Variants in CNBD1 observed in about 807,000 individuals in gnomAD.
The protein encoded by CNBD1 is cyclic nucleotide-binding domain-containing protein 1.
CNBD1 carries 71 observed loss-of-function variants against 54.4 expected under a neutral mutation model. The observed-to-expected ratio is 1.30, with a 90% CI of 1.08 to 1.59. The LOEUF (loss-of-function observed/expected upper bound fraction) is 1.59. Ranked by LOEUF, CNBD1 falls within the 40% of genes most tolerant of loss-of-function variation. The pLI is 0.00. For synonymous variants in CNBD1, 182 were observed against 170.7 expected (o/e 1.07, Z -0.51); for missense variants, 659 against 518.0 (o/e 1.27, Z -2.64).
downstream of CNBD1, among the ~76,000 whole-genome samples, chr8:87,383,064 T>C (rs558883998): frequency 2.6e-5 from 4 of 152,062 alleles, no homozygotes; most frequent in African/African-American, 9.6e-5. Flanking sequence ...ATAAAGCATA[T>C]GTAAAAGGCA....
intron 2 of CNBD1, among the ~76,000 whole-genome samples, chr8:86,903,523 G>T (rs1039264955): frequency 6.6e-6 from 1 of 152,040 alleles, no homozygotes; most frequent in African/African-American, 2.4e-5. Context: ...TTAGAAGAGT[G>T]CCTGGCACAT....
At chr8:87,383,338 T>C (rs768331665), downstream of CNBD1, among the ~76,000 whole-genome samples, 8 of 152,110 alleles carry the variant, frequency 5.3e-5, no homozygotes, top group South Asian at 2.1e-4. Context: ...GCCATGCCCA[T>C]TTGATAGTCC....
Position 87,286,545 on chromosome 8 carries a change from A to G in CNBD1, c.916A>G (p.Ile306Val), listed in dbSNP as rs1268176693. The part of the protein sequence containing the change: ...KGYAKIKEEK[I>V]KLENMQKLKL... ...TAATGACATTCTGTTTTAGGAAAAA[A>G]TAAAACTTGAAAATATGCAAAAGTT... Residue 306 changes from isoleucine (I) to valine (V), a missense_variant, in exon 8 of 11, where the codon ATA becomes GTA. Ile to Val is a conservative substitution (Grantham distance 29). Transcript: ENST00000518476. 2 of 1,425,414 alleles carry G rather than the reference A, an allele frequency of 1.4e-6. No individual in the cohort carries two copies. The highest frequency in any genetic ancestry group is 2.1e-5 in the Admixed American group (1 of 47,278). 88.3% of individuals were successfully genotyped at this position (1,425,414 alleles called of 1,614,324 possible).
chr8:87,252,123 CT>C (rs1807929331), intron 6 of CNBD1, among the ~76,000 whole-genome samples: 1 of 152,040 alleles, frequency 6.6e-6, no homozygotes, highest in Admixed American at 6.6e-5. Context: ...TTTTTCCATT[CT>C]GTTATAATCA....
chr8:87,362,569 T>A (rs1357779766), intron 10 of CNBD1, among the ~76,000 whole-genome samples: 1 of 152,032 alleles, frequency 6.6e-6, no homozygotes, highest in East Asian at 1.9e-4. Flanking sequence ...TATTTACATT[T>A]GTGCCAAGCC....
intron 4 of CNBD1, among the ~76,000 whole-genome samples, chr8:87,118,314 C>CAAAAAA (rs34800282): frequency 1.8e-5 from 2 of 109,174 alleles, no homozygotes; most frequent in Non-Finnish European, 1.8e-5. Flanking sequence ...GACTCTGTCT[C>CAAAAAA]AAAAAAAAAA....
At chr8:86,924,755 A>G (rs1809330710) in intron 3 of CNBD1, among the ~76,000 whole-genome samples, 1 of 152,226 alleles carries the variant, frequency 6.6e-6, no homozygotes, top group Non-Finnish European at 1.5e-5. Flanking sequence ...TCTTAAGATT[A>G]TCCCAACTCT....
At chr8:87,021,742 A>G (rs2130577878) in intron 4 of CNBD1, among the ~76,000 whole-genome samples, 1 of 152,290 alleles carries the variant, frequency 6.6e-6, no homozygotes, top group Admixed American at 6.5e-5. Context: ...ATCCTGCCCA[A>G]AATGTCAGTT....
At chr8:87,216,426 A>G (rs1315289244) in intron 5 of CNBD1, among the ~76,000 whole-genome samples, 3 of 152,198 alleles carry the variant, frequency 2.0e-5, no homozygotes, top group Admixed American at 6.5e-5. Flanking sequence ...AATATAATTT[A>G]CCTGTGTTTT....
At chr8:87,348,773 A>G (rs1810223918) in intron 8 of CNBD1, among the ~76,000 whole-genome samples, 2 of 152,186 alleles carry the variant, frequency 1.3e-5, no homozygotes, top group South Asian at 4.1e-4. Context: ...GTAGGGAATT[A>G]TTCTTCTTAT....
chr8:87,403,129 TAA>T (rs11302548), intron 2 of CNBD1, among the ~76,000 whole-genome samples: 29 of 151,196 alleles, frequency 1.9e-4, no homozygotes, highest in South Asian at 1.7e-3. Flanking sequence ...ACATAGAAAA[TAA>T]AAAAAAAATT....
At chr8:87,303,601 A>C (rs200274593) in intron 8 of CNBD1, among the ~76,000 whole-genome samples, 5 of 151,958 alleles carry the variant, frequency 3.3e-5, no homozygotes, top group Admixed American at 6.6e-5. Context: ...TCTAAAACAC[A>C]AAAAGCAATG....
At chr8:87,303,108 A>T (rs915345568) in intron 8 of CNBD1, among the ~76,000 whole-genome samples, 5 of 152,006 alleles carry the variant, frequency 3.3e-5, no homozygotes, top group Non-Finnish European at 7.4e-5. Context: ...GCTACCAATG[A>T]TTTTCTTCAC....
intron 2 of CNBD1, among the ~76,000 whole-genome samples, chr8:87,424,250 A>G (rs192312565): frequency 1.1e-4 from 16 of 151,868 alleles, no homozygotes; most frequent in Admixed American, 5.2e-4. Flanking sequence ...TAATTTTTTG[A>G]AGGGTTTTTT....
intron 4 of CNBD1, among the ~76,000 whole-genome samples, chr8:87,031,384 A>G (rs1055485044): frequency 6.6e-6 from 1 of 152,154 alleles, no homozygotes; most frequent in Non-Finnish European, 1.5e-5. Flanking sequence ...AGGTTCAGAG[A>G]GATCAGTGGA....
At chr8:87,380,326 A>T (rs1811048762) in intron 10 of CNBD1, among the ~76,000 whole-genome samples, 1 of 151,912 alleles carries the variant, frequency 6.6e-6, no homozygotes, top group Non-Finnish European at 1.5e-5. Context: ...TCAGTTGATC[A>T]TATATACATG....
chr8:87,399,426 A>G (rs1807507769), intron 2 of CNBD1, among the ~76,000 whole-genome samples: 1 of 152,032 alleles, frequency 6.6e-6, no homozygotes, highest in Non-Finnish European at 1.5e-5. Flanking sequence ...TATGAAGGAA[A>G]TCACTTAATT....
intron 2 of CNBD1, among the ~76,000 whole-genome samples, chr8:87,422,200 A>G (rs79691986): frequency 0.54 from 75,961 of 139,788 alleles, 22,157 homozygotes; most frequent in African/African-American, 0.74. Context: ...AGTAGGTTGC[A>G]AAAATTTTTC....
intron 6 of CNBD1, among the ~76,000 whole-genome samples, chr8:87,264,218 A>G (rs1217815397): frequency 1.3e-5 from 2 of 151,888 alleles, no homozygotes; most frequent in South Asian, 2.1e-4. Flanking sequence ...TCTTTGTTCA[A>G]TTCCCACCTA....
Sources: allele counts gnomAD v4.1 joint callset (sites outside exome capture counted in the v4.1 genomes callset), GRCh38; gene constraint gnomAD v4.1.1; transcripts MANE v1.5; gene names NCBI Gene and HGNC (gene_info 2026-07-23, HGNC 2026-07-21).